The following FRZB variants were observed in gnomAD, a reference collection of about 807,000 sequenced individuals.
FRZB encodes secreted frizzled-related protein 3.
FRZB carries 34 observed loss-of-function variants against 32.5 expected under a neutral mutation model. The ratio of observed to expected loss-of-function variants is 1.05; its 90% CI spans 0.80 to 1.39. FRZB has a LOEUF of 1.39. FRZB is among the 40% of genes most tolerant of loss of function. FRZB has a pLI of 0.00. For synonymous variants in FRZB, 170 were observed against 159.2 expected (o/e 1.07, Z -0.51); for missense variants, 423 against 424.8 (o/e 1.00, Z 0.04).
intron 3 of FRZB, 72 bp from the exon 4 acceptor site, chr2:182,838,685 G>C (rs1695554997): frequency 8.1e-7 from 1 of 1,230,692 alleles, no homozygotes; most frequent in Non-Finnish European, 1.2e-6. Flanking sequence ...AAAAGCCAAA[G>C]TAGGCTTCTC....
intron 1 of FRZB, among the ~76,000 whole-genome samples, chr2:182,863,271 A>G (rs560610866): frequency 6.6e-6 from 1 of 152,364 alleles, no homozygotes; most frequent in East Asian, 1.9e-4. Flanking sequence ...ACTGAATGTC[A>G]TCACTAACTT....
At chr2:182,838,128 A>G in intron 4 of FRZB, 117 bp from the exon 5 acceptor site, 1 of 808,560 alleles carries the variant, frequency 1.2e-6, no homozygotes, top group South Asian at 1.6e-5. Flanking sequence ...TAGGACAGCT[A>G]AGATTTAGAA....
chr2:182,838,602 T>C lies in FRZB; in HGVS notation c.604A>G (p.Lys202Glu). 6.2e-7 allele frequency: 1 copy of C among 1,612,194 alleles called. No individual in the cohort carries two copies. The highest frequency in any genetic ancestry group is 8.5e-7 in the Non-Finnish European group (1 of 1,178,612). Residue 202 changes from lysine (K) to glutamate (E), a missense_variant, in exon 4 of 6, where the codon AAA becomes GAA. Transcript: ENST00000295113. ...RNNYNYVIRA[K>E]VKEIKTKCHD... The stretch of plus-strand genomic sequence containing the variant: ...CACTTAGTCTTTATCTCTTTAACTT[T>C]AGCCCGAATGACTGGGATAAAAGAC...
chr2:182,856,215 G>A (rs1695766678), intron 2 of FRZB, among the ~76,000 whole-genome samples: 1 of 151,698 alleles, frequency 6.6e-6, no homozygotes, highest in African/African-American at 2.4e-5. Context: ...ATGGAATGTT[G>A]GAAAAGAAGG....
At chr2:182,842,248 G>A (rs999008319) in intron 3 of FRZB, among the ~76,000 whole-genome samples, 2 of 152,166 alleles carry the variant, frequency 1.3e-5, no homozygotes, top group African/African-American at 4.8e-5. Flanking sequence ...GCTCTAGGAT[G>A]ACAATACTGC....
intron 3 of FRZB, 134 bp from the exon 4 acceptor site, chr2:182,838,747 G>A (rs1169218403): frequency 1.4e-6 from 1 of 720,708 alleles, no homozygotes; most frequent in East Asian, 2.7e-5. Context: ...AGAAAAGTCA[G>A]CCAGATATTT....
intron 1 of FRZB, among the ~76,000 whole-genome samples, chr2:182,862,372 G>T (rs141117917): frequency 6.6e-6 from 1 of 152,230 alleles, no homozygotes; most frequent in South Asian, 2.1e-4. Flanking sequence ...TTAACTGCTT[G>T]ATTCCTGGGT....
intron 2 of FRZB, among the ~76,000 whole-genome samples, chr2:182,848,958 T>C (rs1390391958): frequency 6.6e-6 from 1 of 152,156 alleles, no homozygotes; most frequent in African/African-American, 2.4e-5. Context: ...CGGGGTGCGG[T>C]GGCTCACGTC....
chr2:182,842,033 G>A (rs998646019), intron 3 of FRZB, among the ~76,000 whole-genome samples: 1 of 152,164 alleles, frequency 6.6e-6, no homozygotes, highest in Non-Finnish European at 1.5e-5. Context: ...AAATCTGTCA[G>A]TGTTTTTCAT....
rs143598050 is a variant in FRZB at position 182,863,980 on chromosome 2, C to T, written c.478+2095G>A. On this transcript the variant is annotated intron_variant, in intron 1 of 5. Coordinates refer to ENST00000295113, the MANE Select transcript of FRZB (RefSeq NM_001463.4). ...AAGCTTATGGAAGGGAGCAGGGATGCCATCACTAACTATGATTCCAACTAC... is the reference window on the plus strand; with the variant it reads ...AAGCTTATGGAAGGGAGCAGGGATGTCATCACTAACTATGATTCCAACTAC... Among the ~76,000 whole-genome samples the T allele has an allele frequency of 3.9e-3, 593 of 152,262 alleles. 6 individuals are homozygous for T. Among genetic ancestry groups the T allele is most frequent in the African/African-American group, 0.013 (559 of 41,556 alleles).
intron 3 of FRZB, among the ~76,000 whole-genome samples, chr2:182,841,540 C>T (rs561096292): frequency 6.6e-6 from 1 of 152,162 alleles, no homozygotes; most frequent in African/African-American, 2.4e-5. Flanking sequence ...TAGTCTTATG[C>T]AGAGATAGTA....
chr2:182,854,483 T>G (rs978278390), intron 2 of FRZB, among the ~76,000 whole-genome samples: 2 of 152,172 alleles, frequency 1.3e-5, no homozygotes, highest in African/African-American at 4.8e-5. Context: ...ACCAGTCTGG[T>G]GTCAACACAG....
chr2:182,839,791 C>T (rs1020741057), intron 3 of FRZB, among the ~76,000 whole-genome samples: 1 of 151,970 alleles, frequency 6.6e-6, no homozygotes, highest in African/African-American at 2.4e-5. Context: ...TATCCATGGA[C>T]ATTATATAGA....
intron 2 of FRZB, among the ~76,000 whole-genome samples, chr2:182,849,650 A>G (rs1695688628): frequency 6.6e-6 from 1 of 152,232 alleles, no homozygotes; most frequent in Admixed American, 6.5e-5. Flanking sequence ...CTTAGCTGTA[A>G]AAACAAACCT....
chr2:182,842,388 C>T, intron 3 of FRZB, 90 bp downstream of exon 3: 1 of 882,810 alleles, frequency 1.1e-6, no homozygotes, highest in East Asian at 2.5e-5. Flanking sequence ...TAAATGGCTC[C>T]ACTCGTTTAC....
chr2:182,842,254 A>G (rs894586765), intron 3 of FRZB, among the ~76,000 whole-genome samples: 1 of 152,160 alleles, frequency 6.6e-6, no homozygotes, highest in African/African-American at 2.4e-5. Flanking sequence ...GGATGACAAT[A>G]CTGCTTGATG....
chr2:182,866,518 A>G lies in FRZB; in HGVS notation c.35T>C (p.Leu12Pro). Residue 12 changes from leucine (L) to proline (P), a missense_variant, in exon 1 of 6, where the codon CTG (leucine) becomes CCG (proline). By Grantham distance (98) the Leu-to-Pro change is moderately conservative. Transcript: ENST00000295113. This position sits in a 1 kb window ranked among gnomAD's most constrained non-coding sequence, Gnocchi z 4.5. ...AGCCAGGGCAAGCAGCCCGGCCCGC[A>G]GCAGCAGCATCCCTCCCGGGCTGCC... ...VCGSPGGMLL[L>P]RAGLLALAAL... 1 of 1,491,304 alleles carries G rather than the reference A, an allele frequency of 6.7e-7. No individual in the cohort carries two copies. The highest frequency in any genetic ancestry group is 8.9e-7 in the Non-Finnish European group (1 of 1,121,616). 92.4% of individuals were successfully genotyped at this position (1,491,304 alleles called of 1,614,324 possible).
Position 182,833,767 on chromosome 2 carries a change from T to G in FRZB, c.*1082A>C, listed in dbSNP as rs562484395. On this transcript the variant is annotated 3_prime_UTR_variant, in exon 6 of 6. Transcript: ENST00000295113. The stretch of plus-strand genomic sequence containing the variant: ...CCAAATGATAAAGTGCAGGCCAGTT[T>G]GCAGGCCTGTATTTTAATCCACCTT... 6.6e-6 allele frequency: 1 copy of G among 152,232 alleles called. No homozygotes were observed. Among genetic ancestry groups the G allele is most frequent in the South Asian group, 2.1e-4 (1 of 4,822 alleles). 9.4% of individuals were successfully genotyped at this position (152,232 alleles called of 1,614,324 possible). A position where few individuals can be genotyped will look rare whatever the true frequency, so the allele number is the denominator to read the frequency against.
chr2:182,859,780 A>T (rs1695811031), intron 1 of FRZB, among the ~76,000 whole-genome samples: 1 of 152,232 alleles, frequency 6.6e-6, no homozygotes, highest in African/African-American at 2.4e-5. Context: ...ATCATCAGCA[A>T]GTATTTAAAA....
Sources: allele counts gnomAD v4.1 joint callset (sites outside exome capture counted in the v4.1 genomes callset), GRCh38; gene constraint gnomAD v4.1.1; non-coding constraint Gnocchi (gnomAD v3.1); transcripts MANE v1.5; gene names NCBI Gene and HGNC (gene_info 2026-07-23, HGNC 2026-07-21).